Variants in ADGRB3 observed in about 807,000 individuals in gnomAD.
The protein encoded by ADGRB3 is brain-specific angiogenesis inhibitor 3.
ADGRB3 carries 37 observed loss-of-function variants against 193.4 expected under a neutral mutation model. The ratio of observed to expected loss-of-function variants is 0.19; its 90% CI spans 0.15 to 0.25. The LOEUF (loss-of-function observed/expected upper bound fraction) is 0.25, where lower values mean the gene tolerates loss of function less well. Ranked by LOEUF, ADGRB3 falls within the 10% of genes least tolerant of loss-of-function variation. The pLI is 1.00. For missense variants in ADGRB3, 1,637 were observed against 1,852.9 expected (o/e 0.88, Z 2.14); for synonymous variants, 690 against 644.2 (o/e 1.07, Z -1.08).
intron 3 of ADGRB3, among the ~76,000 whole-genome samples, chr6:68,908,198 A>G (rs575067435): frequency 2.6e-5 from 4 of 152,118 alleles, no homozygotes; most frequent in Middle Eastern, 3.4e-3. Flanking sequence ...CTACTCTCAA[A>G]AAGAAACATC....
chr6:68,982,376 C>T (rs1252034295), intron 10 of ADGRB3, among the ~76,000 whole-genome samples: 2 of 152,100 alleles, frequency 1.3e-5, no homozygotes, highest in Admixed American at 6.5e-5. Flanking sequence ...TTAATTCATT[C>T]GGAAATTGAT....
chr6:68,837,546 A>G (rs1348609119), intron 3 of ADGRB3, among the ~76,000 whole-genome samples: 8 of 152,222 alleles, frequency 5.3e-5, no homozygotes, highest in Admixed American at 5.2e-4. Flanking sequence ...CTTTAAAGCA[A>G]AAGATTTTAT....
chr6:69,222,250 T>C (rs1211299983), intron 17 of ADGRB3, among the ~76,000 whole-genome samples: 1 of 152,160 alleles, frequency 6.6e-6, no homozygotes, highest in Admixed American at 6.6e-5. Context: ...ATATGTTGTA[T>C]TTATATAGAA....
intron 17 of ADGRB3, among the ~76,000 whole-genome samples, chr6:69,078,168 A>G (rs539852864): frequency 6.6e-6 from 1 of 152,152 alleles, no homozygotes; most frequent in Admixed American, 6.6e-5. Context: ...GCAGTAATAA[A>G]GTTCAAATTA....
chr6:69,046,634 A>G (rs1018164511), intron 13 of ADGRB3, among the ~76,000 whole-genome samples: 5 of 152,216 alleles, frequency 3.3e-5, no homozygotes, highest in Admixed American at 3.3e-4. Flanking sequence ...TTAGAGGATA[A>G]ATGAAATACC....
At chr6:69,171,316 T>C (rs2150347954) in intron 17 of ADGRB3, among the ~76,000 whole-genome samples, 1 of 152,194 alleles carries the variant, frequency 6.6e-6, no homozygotes, top group South Asian at 2.1e-4. Context: ...AAGAAGAAAA[T>C]GAAGAAAATT....
At chr6:68,984,026 A>G (rs1467609359) in intron 10 of ADGRB3, among the ~76,000 whole-genome samples, 1 of 152,164 alleles carries the variant, frequency 6.6e-6, no homozygotes, top group Non-Finnish European at 1.5e-5. Context: ...TAAGAAAGCA[A>G]AAAGATCTAC....
intron 3 of ADGRB3, among the ~76,000 whole-genome samples, chr6:68,862,922 G>A (rs564048): frequency 0.45 from 68,027 of 151,874 alleles, 16,575 homozygotes; most frequent in East Asian, 0.6. Flanking sequence ...TCCAATTGTC[G>A]TCAATAGAAT....
intron 29 of ADGRB3, among the ~76,000 whole-genome samples, chr6:69,368,148 TA>T (rs1388957948): frequency 1.3e-5 from 2 of 151,116 alleles, no homozygotes; most frequent in South Asian, 2.1e-4. Context: ...AGTATAATAT[TA>T]AAAAAAAAGA....
intron 17 of ADGRB3, among the ~76,000 whole-genome samples, chr6:69,095,541 G>T (rs1272719235): frequency 1.3e-5 from 2 of 152,160 alleles, no homozygotes; most frequent in African/African-American, 4.8e-5. Context: ...GTTAGCAAAT[G>T]ATATTAAAGT....
chr6:69,048,037 T>A (rs1208322318), intron 13 of ADGRB3, 148 bp from the exon 14 acceptor site: 2 of 872,608 alleles, frequency 2.3e-6, no homozygotes, highest in African/African-American at 3.4e-5. Context: ...TTTTGTCTAA[T>A]AAGACATAAG....
intron 3 of ADGRB3, among the ~76,000 whole-genome samples, chr6:68,710,504 T>A (rs1765391787): frequency 6.6e-6 from 1 of 152,174 alleles, no homozygotes; most frequent in Non-Finnish European, 1.5e-5. Flanking sequence ...GTGCTTTTGC[T>A]GAGTGTTTAA....
chr6:69,211,992 C>G (rs1582549125), intron 17 of ADGRB3, among the ~76,000 whole-genome samples: 1 of 152,112 alleles, frequency 6.6e-6, no homozygotes. Flanking sequence ...CAAGTTTATA[C>G]TTTGTTATTT....
intron 3 of ADGRB3, among the ~76,000 whole-genome samples, chr6:68,917,746 T>C (rs1235037966): frequency 6.6e-6 from 1 of 152,214 alleles, no homozygotes; most frequent in East Asian, 1.9e-4. Flanking sequence ...TTTAATGTTC[T>C]GAGCACCTTT....
At chr6:69,341,909 G>A (rs981493387) in intron 26 of ADGRB3, among the ~76,000 whole-genome samples, 10 of 152,094 alleles carry the variant, frequency 6.6e-5, no homozygotes, top group South Asian at 2.1e-4. Flanking sequence ...ACAGTGCTGC[G>A]TCACTATATA....
At chr6:69,154,604 G>A (rs184261163) in intron 17 of ADGRB3, among the ~76,000 whole-genome samples, 25 of 152,230 alleles carry the variant, frequency 1.6e-4, no homozygotes, top group Admixed American at 1.6e-3. Flanking sequence ...TCCAGTCTCT[G>A]CCTTCCGTTT....
At chr6:68,785,807 C>G (rs940841008) in intron 3 of ADGRB3, among the ~76,000 whole-genome samples, 8 of 152,184 alleles carry the variant, frequency 5.3e-5, no homozygotes, top group African/African-American at 1.9e-4. Flanking sequence ...TCTACATCCT[C>G]TCCAGCACCT....
intron 3 of ADGRB3, among the ~76,000 whole-genome samples, chr6:68,774,603 T>C (rs1314179938): frequency 6.6e-6 from 1 of 152,020 alleles, no homozygotes; most frequent in Admixed American, 6.6e-5. Flanking sequence ...ATGCTGCCTT[T>C]TTATATTTAT....
At chr6:69,031,339 G>A (rs796153985) in intron 13 of ADGRB3, among the ~76,000 whole-genome samples, 7 of 151,238 alleles carry the variant, frequency 4.6e-5, no homozygotes, top group African/African-American at 1.7e-4. Context: ...TACTCGGGAG[G>A]CTGAGGCAGG....
Sources: gnomAD v4.1 joint callset for allele counts (sites outside exome capture counted in the v4.1 genomes callset) on GRCh38, gnomAD v4.1.1 for gene constraint, MANE v1.5 for transcripts, NCBI Gene and HGNC (gene_info 2026-07-23, HGNC 2026-07-21) for gene names.